The following SYNPO variants were observed in gnomAD, a reference collection of about 807,000 sequenced individuals.
The protein encoded by SYNPO is synaptopodin.
Under a neutral mutation model 49.5 loss-of-function variants are expected in SYNPO, and 19 were observed. That is an observed-to-expected ratio of 0.38 (90% CI 0.27 to 0.56). The LOEUF is 0.56. Among genes scored for constraint, SYNPO ranks in the 20% least tolerant of loss-of-function variants. SYNPO has a pLI of 0.68. For synonymous variants in SYNPO, 536 were observed against 548.0 expected (o/e 0.98, Z 0.31); for missense variants, 1,131 against 1,248.3 (o/e 0.91, Z 1.42).
At chr5:150,655,995 C>T (rs1432145862) in intron 2 of SYNPO, among the ~76,000 whole-genome samples, 1 of 152,248 alleles carries the variant, frequency 6.6e-6, no homozygotes, top group African/African-American at 2.4e-5. Context: ...TGAGCACTTT[C>T]TTCCAAGGAA....
Position 150,656,437 on chromosome 5 carries a change from T to C in SYNPO, c.2062T>C (p.Trp688Arg), listed in dbSNP as rs1438218916. The C allele has an allele frequency of 2.6e-6, 4 of 1,531,332 alleles. No individual in the cohort carries two copies. The highest frequency in any genetic ancestry group is 1.2e-5 in the South Asian group (1 of 83,598). The allele number at this position is 1,531,332 out of a possible 1,614,324, so 94.9% of individuals were successfully genotyped here. A position where few individuals can be genotyped will look rare whatever the true frequency, so the allele number is the denominator to read the frequency against. The stretch of plus-strand genomic sequence containing the variant: ...GGAGAGCCTGCCCACCTCCCCACCC[T>C]GGACGCCGGGCGCGTCCCGGCCCCC... ...RRESLPTSPP[W>R]TPGASRPPSS... The change falls in exon 3 of 3, where the codon TGG becomes CGG. Residue 688 changes from tryptophan to arginine, a missense_variant. This residue lies in a region of SYNPO where 509 missense variants were observed against 484.5 expected (regional missense o/e 1.05). Coordinates refer to ENST00000307662, the MANE Select transcript of SYNPO (RefSeq NM_007286.6).
At position 150,656,616 on chromosome 5, in the gene SYNPO, G is replaced by T. The variant is rs2151434859; in HGVS notation, c.2241G>T (p.Arg747=). Residue 747 remains arginine (R), a synonymous_variant, in exon 3 of 3, where the codon CGG becomes CGT. Transcript: ENST00000307662. The stretch of plus-strand genomic sequence containing the variant: ...CGCTGCGACCTGAGACCGAGGCGCG[G>T]CCCCCCAGCCGCCAGCTGCAGGCGC... ...VSPLRPETEA[R]PPSRQLQALL... 6.6e-7 allele frequency: 1 copy of T among 1,512,368 alleles called. No homozygotes were observed. The highest frequency in any genetic ancestry group is 8.8e-7 in the Non-Finnish European group (1 of 1,137,924). The allele number at this position is 1,512,368 out of a possible 1,614,324, so 93.7% of individuals were successfully genotyped here.
At chr5:150,651,354 G>A in intron 2 of SYNPO, 1 of 1,000,466 alleles carries the variant, frequency 1.0e-6, no homozygotes, top group Non-Finnish European at 1.2e-6. Context: ...TTCTCTTTGG[G>A]CCTCAGTTTT....
chr5:150,590,586 T>C, the SYNPO span, among the ~76,000 whole-genome samples: 1 of 152,218 alleles, frequency 6.6e-6, no homozygotes, highest in Admixed American at 6.5e-5. Flanking sequence ...GCTGATACTG[T>C]GCATCTGAGG....
At position 150,649,147 on chromosome 5, in the gene SYNPO, G is replaced by A. The variant is rs375811693; in HGVS notation, c.872G>A (p.Arg291His). The A allele has an allele frequency of 1.1e-5, 18 of 1,613,904 alleles. No homozygotes were observed. The highest frequency in any genetic ancestry group is 4.0e-5 in the African/African-American group (3 of 74,856). Residue 291 changes from arginine (R) to histidine (H), a missense_variant, in exon 2 of 3, where the codon CGC (arginine) becomes CAC (histidine). Arg to His is a conservative substitution (Grantham distance 29, BLOSUM62 0). Around this residue, in one of 4 missense-constraint regions of SYNPO, gnomAD observed 602 missense variants for 720.7 expected, o/e 0.84. Transcript: ENST00000307662. Reference sequence around the variant, plus strand: ...CGGCCACAGAGACACATAATGTCCCGCAGCCCCATGGTGGAAAGGAGGATG... The same window carrying A: ...CGGCCACAGAGACACATAATGTCCCACAGCCCCATGGTGGAAAGGAGGATG... ...SPRPQRHIMS[R>H]SPMVERRMMG...
At chr5:150,642,930 CCTCA>C (rs1478627359) in intron 1 of SYNPO, among the ~76,000 whole-genome samples, 1 of 152,210 alleles carries the variant, frequency 6.6e-6, no homozygotes, top group Non-Finnish European at 1.5e-5. Context: ...GTGCATGGAG[CCTCA>C]CTGAGAGTCA....
intron 1 of SYNPO, among the ~76,000 whole-genome samples, chr5:150,611,688 C>G (rs1221679396): frequency 1.3e-5 from 2 of 152,162 alleles, no homozygotes; most frequent in African/African-American, 2.4e-5. Flanking sequence ...CTGATGGCCG[C>G]TGAGGAAGGG....
upstream of SYNPO, among the ~76,000 whole-genome samples, chr5:150,600,616 G>C (rs978713683): frequency 5.9e-5 from 9 of 152,164 alleles, no homozygotes; most frequent in African/African-American, 2.2e-4. Context: ...AAGGGATCCG[G>C]GAAAGGGAAA....
chr5:150,621,638 C>A (rs530583770), intron 2 of SYNPO, among the ~76,000 whole-genome samples: 1 of 152,304 alleles, frequency 6.6e-6, no homozygotes, highest in South Asian at 2.1e-4. Context: ...ATTGTACCTG[C>A]CTCTCTAGAG....
chr5:150,624,232 GAC>G (rs1757271225), intron 2 of SYNPO, among the ~76,000 whole-genome samples: 1 of 152,176 alleles, frequency 6.6e-6, no homozygotes, highest in South Asian at 2.1e-4. Flanking sequence ...TACCAAGAGA[GAC>G]AGTTATTCTA....
At position 150,648,909 on chromosome 5, in the gene SYNPO, C is replaced by A; in HGVS notation, c.634C>A (p.Arg212=). 6.2e-7 allele frequency: 1 copy of A among 1,614,204 alleles called. No individual in the cohort carries two copies. Among genetic ancestry groups the A allele is most frequent in the South Asian group, 1.1e-5 (1 of 91,086 alleles). ...GTCAGCAGATCAAGAGATGTCTGGG[C>A]GAGCAGCTGCCACCACGCCCACCAA... ...VVSADQEMSG[R]AAATTPTKVY... is the part of the protein sequence containing the mutation. Residue 212 remains arginine (R), a synonymous_variant, in exon 2 of 3, where the codon CGA becomes AGA. Transcript: ENST00000307662. The surrounding 1 kb of genome is among the most constrained non-coding windows in gnomAD (Gnocchi z 5.0).
chr5:150,630,047 G>A (rs893712740), intron 2 of SYNPO, among the ~76,000 whole-genome samples: 7 of 152,188 alleles, frequency 4.6e-5, no homozygotes, highest in African/African-American at 1.7e-4. Context: ...GGTCCTGGAA[G>A]GAGGAGCCTC....
intron 1 of SYNPO, among the ~76,000 whole-genome samples, chr5:150,644,978 GGAA>G (rs1159596403): frequency 6.6e-6 from 1 of 152,178 alleles, no homozygotes; most frequent in South Asian, 2.1e-4. Flanking sequence ...GATGGAGGAG[GGAA>G]GAAGGAGGTT....
intron 1 of SYNPO, among the ~76,000 whole-genome samples, chr5:150,606,069 G>A (rs987165932): frequency 6.6e-6 from 1 of 152,102 alleles, no homozygotes; most frequent in Non-Finnish European, 1.5e-5. Context: ...ACACGTACAT[G>A]TGCACACATA....
chr5:150,642,714 T>G (rs1757954271), intron 1 of SYNPO, among the ~76,000 whole-genome samples: 1 of 152,248 alleles, frequency 6.6e-6, no homozygotes, highest in African/African-American at 2.4e-5. Flanking sequence ...GATGGCTGGC[T>G]GGATCTGGTC....
At chr5:150,587,914 AG>A in the SYNPO span, among the ~76,000 whole-genome samples, 6 of 152,336 alleles carry the variant, frequency 3.9e-5, no homozygotes, top group Middle Eastern at 3.4e-3. Flanking sequence ...GGTCTCTCCC[AG>A]GGGCAAAATC....
At chr5:150,634,404 A>C (rs757334477) in intron 2 of SYNPO, among the ~76,000 whole-genome samples, 11 of 152,148 alleles carry the variant, frequency 7.2e-5, no homozygotes, top group Admixed American at 1.3e-4. Context: ...AGTGCCCTAG[A>C]GGAATGAAGG....
upstream of SYNPO, among the ~76,000 whole-genome samples, chr5:150,637,761 G>C (rs1757767205): frequency 6.6e-6 from 1 of 152,214 alleles, no homozygotes; most frequent in Non-Finnish European, 1.5e-5. Context: ...GAAGGAATGT[G>C]GGGAATTTAC....
At chr5:150,624,798 C>CGCGGGGCGGGGGTGGCGGGGACCTCGGG in intron 2 of SYNPO, 1 of 951,970 alleles carries the variant, frequency 1.1e-6, no homozygotes, top group Non-Finnish European at 1.2e-6. Context: ...CTGGGCCTGG[C>CGCGGGGCGGGGGTGGCGGGGACCTCGGG]GCGGGGCGGG....
Sources: allele counts gnomAD v4.1 joint callset (sites outside exome capture counted in the v4.1 genomes callset), GRCh38; gene constraint gnomAD v4.1.1; regional missense constraint gnomAD v4.1.1; non-coding constraint Gnocchi (gnomAD v3.1); transcripts MANE v1.5; gene names NCBI Gene and HGNC (gene_info 2026-07-23, HGNC 2026-07-21).